ADGRD1: variants seen among roughly 807,000 people sequenced by gnomAD.
The protein encoded by ADGRD1 is G-protein coupled receptor 133.
In ADGRD1, 77 loss-of-function variants were observed where a neutral mutation model predicts 113.4. That is an observed-to-expected ratio of 0.68 (90% CI 0.57 to 0.82). The LOEUF (loss-of-function observed/expected upper bound fraction) is 0.82, where lower values mean the gene tolerates loss of function less well. Ranked by LOEUF, ADGRD1 falls within the 40% of genes least tolerant of loss-of-function variation. ADGRD1 has a pLI of 0.00. For missense variants in ADGRD1, 1,036 were observed against 1,139.1 expected (o/e 0.91, Z 1.30); for synonymous variants, 474 against 475.0 (o/e 1.00, Z 0.03).
intron 5 of ADGRD1, 105 bp downstream of exon 5, chr12:130,982,168 T>A: frequency 1.0e-6 from 1 of 964,890 alleles, no homozygotes; most frequent in South Asian, 1.6e-5. Context: ...CCAGGGATGC[T>A]GCTGCCTCCT....
intron 20 of ADGRD1, among the ~76,000 whole-genome samples, chr12:131,125,939 C>T (rs998144672): frequency 8.5e-5 from 13 of 152,150 alleles, no homozygotes; most frequent in Non-Finnish European, 5.9e-5. Flanking sequence ...TTGCAGAGTA[C>T]AGTTTGTACT....
At position 131,003,083 on chromosome 12, in the gene ADGRD1, G is replaced by GCCAACTTGGCCCCT; in HGVS notation, c.1027-97_1027-96insTTGGCCCCTCCAAC. 1 of 935,406 alleles carries GCCAACTTGGCCCCT rather than the reference G, an allele frequency of 1.1e-6. No individual in the cohort carries two copies. Among genetic ancestry groups the GCCAACTTGGCCCCT allele is most frequent in the Non-Finnish European group, 1.7e-6 (1 of 573,976 alleles). 57.9% of individuals were successfully genotyped at this position (935,406 alleles called of 1,614,324 possible). On this transcript the variant is annotated intron_variant, in intron 9 of 24. Coordinates refer to ENST00000261654, the MANE Select transcript of ADGRD1 (RefSeq NM_198827.5). The surrounding 1 kb of genome is among the most constrained non-coding windows in gnomAD (Gnocchi z 4.8). ...TTGTGTGACTTCTTCCTCCCTCGTGGCCAACGTGGGGAAACTTGATTTTGT... is the reference window on the plus strand; with the variant it reads ...TTGTGTGACTTCTTCCTCCCTCGTGGCCAACTTGGCCCCTCCAACGTGGGGAAACTTGATTTTGT...
At position 130,954,702 on chromosome 12, in the gene ADGRD1, T is replaced by A; in HGVS notation, c.103+42T>A. On this transcript the variant is annotated intron_variant, in intron 2 of 24. Coordinates refer to ENST00000261654, the MANE Select transcript of ADGRD1 (RefSeq NM_198827.5). This position sits in a 1 kb window ranked among gnomAD's most constrained non-coding sequence, Gnocchi z 4.7. ...CTCACTCTGAGCACCGCTCTCCCCC[T>A]GCCTAGTGCAGGTATCTCAGGAACA... 1 of 1,583,850 alleles carries A rather than the reference T, an allele frequency of 6.3e-7. No homozygotes were observed. Among genetic ancestry groups the A allele is most frequent in the Admixed American group, 1.7e-5 (1 of 59,978 alleles).
chr12:131,124,693 G>A (rs748617317), intron 20 of ADGRD1, among the ~76,000 whole-genome samples: 13 of 105,058 alleles, frequency 1.2e-4, no homozygotes, highest in Non-Finnish European at 2.0e-4. Flanking sequence ...AATTGTTCTC[G>A]GCTGTAACAC....
chr12:131,084,416 C>T lies in ADGRD1; in HGVS notation c.1548-124C>T, dbSNP rs771485638. 9.3e-6 allele frequency: 9 copies of T among 969,476 alleles called. No individual in the cohort carries two copies. Among genetic ancestry groups the T allele is most frequent in the Middle Eastern group, 2.2e-4 (1 of 4,614 alleles). The allele number at this position is 969,476 out of a possible 1,614,324, so 60.1% of individuals were successfully genotyped here. A position where few individuals can be genotyped will look rare whatever the true frequency, so the allele number is the denominator to read the frequency against. On this transcript the variant is annotated intron_variant, in intron 14 of 24. Transcript: ENST00000261654. This position sits in a 1 kb window ranked among gnomAD's most constrained non-coding sequence, Gnocchi z 4.5. ...CCACGGTCTGGGTGTGCATTCCTGG[C>T]GTGGCAGGTGTGGGCGCCGCCATGA...
Position 131,060,923 on chromosome 12 carries a change from G to A in ADGRD1, c.1474-15878G>A, listed in dbSNP as rs1025083934. On this transcript the variant is annotated intron_variant, in intron 13 of 24. Coordinates refer to ENST00000261654, the MANE Select transcript of ADGRD1 (RefSeq NM_198827.5). The surrounding 1 kb of genome is among the most constrained non-coding windows in gnomAD (Gnocchi z 4.4). The stretch of plus-strand genomic sequence containing the variant: ...TCCACCCCGCCCATGTTACCTGGAT[G>A]GAGAACAGAGTGGACAGAGTCCTGA... Among the ~76,000 whole-genome samples the A allele has an allele frequency of 2.0e-5, 3 of 152,074 alleles. No homozygotes were observed. Among genetic ancestry groups the A allele is most frequent in the Admixed American group, 2.0e-4 (3 of 15,272 alleles).
rs1485834946 is a variant in ADGRD1 at position 130,966,698 on chromosome 12, A to T, written c.187+152A>T. 2 of 634,036 alleles carry T rather than the reference A, an allele frequency of 3.2e-6. No individual in the cohort carries two copies. Among genetic ancestry groups the T allele is most frequent in the East Asian group, 5.5e-5 (2 of 36,662 alleles). 39.3% of individuals were successfully genotyped at this position (634,036 alleles called of 1,614,324 possible). ...CTGTGGGCCGGGGAATCCCAGGGCCATCGGGGAGCAGATGTGGACACAATC... is the reference window on the plus strand; with the variant it reads ...CTGTGGGCCGGGGAATCCCAGGGCCTTCGGGGAGCAGATGTGGACACAATC... On this transcript the variant is annotated intron_variant, in intron 3 of 24. Transcript: ENST00000261654. The surrounding 1 kb of genome is among the most constrained non-coding windows in gnomAD (Gnocchi z 4.6).
chr12:131,011,903 G>A (rs541966512), intron 12 of ADGRD1, among the ~76,000 whole-genome samples: 144 of 152,334 alleles, frequency 9.5e-4, no homozygotes, highest in African/African-American at 3.3e-3. Context: ...AGTCGCGTGC[G>A]GGGCGGGGAC....
intron 20 of ADGRD1, among the ~76,000 whole-genome samples, chr12:131,128,929 AGCCCC>A (rs1950821375): frequency 6.1e-5 from 9 of 147,760 alleles, no homozygotes. Context: ...TGTGAGTGAC[AGCCCC>A]GCCCTGCTGT....
intron 15 of ADGRD1, among the ~76,000 whole-genome samples, chr12:131,103,482 G>A (rs943958791): frequency 5.9e-5 from 9 of 152,256 alleles, no homozygotes; most frequent in Non-Finnish European, 1.2e-4. Context: ...AGCCCACTCC[G>A]CTGTGAATCA....
chr12:131,021,882 T>C (rs1274273000), intron 13 of ADGRD1, among the ~76,000 whole-genome samples: 4 of 152,062 alleles, frequency 2.6e-5, no homozygotes, highest in African/African-American at 9.7e-5. Context: ...CATTTTTCAG[T>C]TATTTGTAGA....
Position 131,113,443 on chromosome 12 carries a change from G to C in ADGRD1, c.2041+4566G>C, listed in dbSNP as rs1239597664. Among the ~76,000 whole-genome samples the C allele has an allele frequency of 6.6e-6, 1 of 152,102 alleles. No individual in the cohort carries two copies. Among genetic ancestry groups the C allele is most frequent in the Non-Finnish European group, 1.5e-5 (1 of 68,018 alleles). Reference sequence around the variant, plus strand: ...AGGTTGGGCTGTGCATTGACACTTAGCATTCTCGCAGTTGTTGTAAAACAC... The same window carrying C: ...AGGTTGGGCTGTGCATTGACACTTACCATTCTCGCAGTTGTTGTAAAACAC... On this transcript the variant is annotated intron_variant, in intron 18 of 24. Coordinates refer to ENST00000261654, the MANE Select transcript of ADGRD1 (RefSeq NM_198827.5). The surrounding 1 kb of genome is among the most constrained non-coding windows in gnomAD (Gnocchi z 4.9).
In ADGRD1 at chr12:131,140,515, T is replaced by C. The variant is rs12423585; in HGVS notation, c.*1252T>C. On this transcript the variant is annotated 3_prime_UTR_variant, in exon 25 of 25. Transcript: ENST00000261654. ...GAGATACGGGCTGTGAGGTTCATAC[T>C]GTGCTGATAGCACTCGTGGTGTCTG... is the stretch of plus-strand genomic sequence containing the variant. The C allele has an allele frequency of 0.34, 50,922 of 151,884 alleles. 8,837 individuals carry two copies. The highest frequency in any genetic ancestry group is 0.49 in the Middle Eastern group (145 of 294). The allele number at this position is 151,884 out of a possible 1,614,324, so 9.4% of individuals were successfully genotyped here. A position where few individuals can be genotyped will look rare whatever the true frequency, so the allele number is the denominator to read the frequency against.
At position 131,014,244 on chromosome 12, in the gene ADGRD1, C is replaced by T. The variant is rs750699735; in HGVS notation, c.1377C>T (p.Thr459=). The part of the protein sequence containing the change: ...MHHQDCLLFA[T]SHLISLEVSP... ...ACCAGGACTGCCTGCTGTTCGCCAC[C>T]AGCCACCTGATTTCCCTGGAGGTGT... Residue 459 remains threonine, a synonymous_variant, in exon 13 of 25, where the codon ACC becomes ACT. Coordinates refer to ENST00000261654, the MANE Select transcript of ADGRD1 (RefSeq NM_198827.5). The T allele has an allele frequency of 1.2e-6, 2 of 1,614,158 alleles. No homozygotes were observed. Among genetic ancestry groups the T allele is most frequent in the Non-Finnish European group, 1.7e-6 (2 of 1,179,978 alleles).
At chr12:131,106,329 G>A (rs1950235287) in intron 17 of ADGRD1, among the ~76,000 whole-genome samples, 1 of 152,212 alleles carries the variant, frequency 6.6e-6, no homozygotes, top group South Asian at 2.1e-4. Flanking sequence ...CCTCTGTTCA[G>A]CGAAGCAGAC....
intron 20 of ADGRD1, among the ~76,000 whole-genome samples, chr12:131,125,877 G>A (rs1242586230): frequency 6.6e-6 from 1 of 152,220 alleles, no homozygotes; most frequent in African/African-American, 2.4e-5. Flanking sequence ...ATAATGCAAT[G>A]TTGAATATCA....
rs1168137709 is a variant in ADGRD1 at position 130,964,269 on chromosome 12, G to A, written c.104-2194G>A. ...TGTGTTTTGTTTTATTTTATTACAT[G>A]TAAATTTTGATCTATCTGGAAATTG... On this transcript the variant is annotated intron_variant, in intron 2 of 24. Transcript: ENST00000261654. Among the ~76,000 whole-genome samples the A allele has an allele frequency of 3.3e-5, 5 of 151,618 alleles. No individual in the cohort carries two copies. The East Asian group carries it at 7.7e-4, about 23-fold the overall frequency.
chr12:131,112,211 G>A (rs1379697500), intron 18 of ADGRD1, among the ~76,000 whole-genome samples: 3 of 152,180 alleles, frequency 2.0e-5, no homozygotes, highest in Non-Finnish European at 4.4e-5. Flanking sequence ...GGCATGTACA[G>A]TCACCCTGGG....
At position 131,140,906 on chromosome 12, in the gene ADGRD1, TG is replaced by T. The variant is rs1951229679; in HGVS notation, c.*1645del. 1 of 152,312 alleles carries T rather than the reference TG, an allele frequency of 6.6e-6. No homozygotes were observed. 9.4% of individuals were successfully genotyped at this position (152,312 alleles called of 1,614,324 possible). On this transcript the variant is annotated 3_prime_UTR_variant, in exon 25 of 25. Coordinates refer to ENST00000261654, the MANE Select transcript of ADGRD1 (RefSeq NM_198827.5). ...GCGTATGGCCCCTGCAACCGTGCTCTGGCGGGCACACCTGGCTGCTGCAGGC... is the reference window on the plus strand; with the variant it reads ...GCGTATGGCCCCTGCAACCGTGCTCTGCGGGCACACCTGGCTGCTGCAGGC...
Sources: allele counts gnomAD v4.1 joint callset (sites outside exome capture counted in the v4.1 genomes callset), GRCh38; gene constraint gnomAD v4.1.1; non-coding constraint Gnocchi (gnomAD v3.1); transcripts MANE v1.5; gene names NCBI Gene and HGNC (gene_info 2026-07-23, HGNC 2026-07-21).